The following DACH1 variants were observed in gnomAD, a reference collection of about 807,000 sequenced individuals.
DACH1 encodes dachshund family transcription factor 1.
Under a neutral mutation model 54.2 loss-of-function variants are expected in DACH1, and 12 were observed. That is an observed-to-expected ratio of 0.22 (90% confidence interval 0.14 to 0.36). The LOEUF (loss-of-function observed/expected upper bound fraction) is 0.36. Among genes scored for constraint, DACH1 ranks in the 10% least tolerant of loss-of-function variants. DACH1 has a pLI of 1.00. For synonymous variants in DACH1, 386 were observed against 366.2 expected (o/e 1.05, Z -0.62); for missense variants, 805 against 929.8 (o/e 0.87, Z 1.75).
intron 1 of DACH1, among the ~76,000 whole-genome samples, chr13:71,791,538 G>A (rs895243621): frequency 6.6e-6 from 1 of 152,052 alleles, no homozygotes; most frequent in Admixed American, 6.6e-5. Flanking sequence ...ATACCACCAT[G>A]CCCAGCTAAT....
intron 1 of DACH1, among the ~76,000 whole-genome samples, chr13:71,785,614 T>A (rs1024404796): frequency 6.6e-6 from 1 of 152,192 alleles, no homozygotes; most frequent in Non-Finnish European, 1.5e-5. Context: ...ATCACTGCTT[T>A]TCAATATAGC....
At chr13:71,673,211 T>C (rs1880308999) in intron 2 of DACH1, among the ~76,000 whole-genome samples, 1 of 151,940 alleles carries the variant, frequency 6.6e-6, no homozygotes, top group African/African-American at 2.4e-5. Flanking sequence ...TGTGGTTATT[T>C]AATTAAGTCT....
chr13:71,796,318 T>C (rs917280588), intron 1 of DACH1, among the ~76,000 whole-genome samples: 1 of 152,168 alleles, frequency 6.6e-6, no homozygotes, highest in Admixed American at 6.6e-5. Context: ...AAATAGTTAA[T>C]GGAATTATTC....
At chr13:71,618,250 T>TA (rs1427451837) in intron 3 of DACH1, among the ~76,000 whole-genome samples, 1 of 152,100 alleles carries the variant, frequency 6.6e-6, no homozygotes, top group African/African-American at 2.4e-5. Context: ...TTTATGTCTT[T>TA]AAAAAGATAA....
chr13:71,765,950 G>C lies in DACH1; in HGVS notation c.849-84040C>G, dbSNP rs561781614. Among the ~76,000 whole-genome samples the C allele has an allele frequency of 1.3e-4, 19 of 145,936 alleles. No individual in the cohort carries two copies. In the South Asian group the frequency reaches 3.7e-3, roughly 28 times the overall value. On this transcript the variant is annotated intron_variant, in intron 1 of 10. Transcript: ENST00000613252. ...CGCCCAGGCTGGAGTGCAGTGGCGC[G>C]ATCTCTGCTCACTGCAAGCTCCGCC...
intron 3 of DACH1, among the ~76,000 whole-genome samples, chr13:71,627,456 G>A (rs1299980136): frequency 1.3e-5 from 2 of 151,918 alleles, no homozygotes; most frequent in African/African-American, 4.8e-5. Flanking sequence ...AGACTGAGTA[G>A]CAACAATACA....
intron 1 of DACH1, among the ~76,000 whole-genome samples, chr13:71,844,283 C>T (rs1016902445): frequency 2.0e-5 from 3 of 152,064 alleles, no homozygotes; most frequent in Admixed American, 6.5e-5. Context: ...GACATAAGGT[C>T]GTGCATAAAT....
intron 8 of DACH1, among the ~76,000 whole-genome samples, chr13:71,476,992 T>G (rs1264216312): frequency 1.3e-5 from 2 of 150,024 alleles, no homozygotes; most frequent in Non-Finnish European, 3.0e-5. Flanking sequence ...AGCAACATTT[T>G]TAAAGCAGAA....
intron 1 of DACH1, among the ~76,000 whole-genome samples, chr13:71,844,591 T>C (rs1037856485): frequency 1.3e-5 from 2 of 152,198 alleles, no homozygotes; most frequent in Non-Finnish European, 2.9e-5. Context: ...CTTTTGTGAT[T>C]CAAGACTTTG....
At chr13:71,839,825 A>T (rs967228197) in intron 1 of DACH1, among the ~76,000 whole-genome samples, 5 of 151,612 alleles carry the variant, frequency 3.3e-5, no homozygotes, top group Non-Finnish European at 5.9e-5. Context: ...TTCAGCAAAA[A>T]CTAGAGAGTT....
At chr13:71,459,518 G>T (rs1875884567) in intron 10 of DACH1, among the ~76,000 whole-genome samples, 1 of 151,776 alleles carries the variant, frequency 6.6e-6, no homozygotes, top group African/African-American at 2.4e-5. Flanking sequence ...TTTTTTATGG[G>T]ATGTCTTTAT....
chr13:71,524,295 C>T (rs1881805759), intron 6 of DACH1, among the ~76,000 whole-genome samples: 1 of 152,132 alleles, frequency 6.6e-6, no homozygotes, highest in Non-Finnish European at 1.5e-5. Flanking sequence ...GCTACATTAT[C>T]ATGTCAACAA....
intron 1 of DACH1, among the ~76,000 whole-genome samples, chr13:71,769,125 A>G (rs367646864): frequency 1.3e-4 from 19 of 151,984 alleles, no homozygotes; most frequent in African/African-American, 4.3e-4. Context: ...CAGTTAAGAT[A>G]GAATAGCAAC....
intron 6 of DACH1, among the ~76,000 whole-genome samples, chr13:71,534,494 G>A (rs1882627484): frequency 6.6e-6 from 1 of 151,766 alleles, no homozygotes; most frequent in Admixed American, 6.6e-5. Flanking sequence ...TCATATTGAA[G>A]TTCTACTTCT....
chr13:71,559,183 T>G (rs1372264744), intron 5 of DACH1, among the ~76,000 whole-genome samples: 1 of 152,132 alleles, frequency 6.6e-6, no homozygotes, highest in African/African-American at 2.4e-5. Flanking sequence ...CTACCAAGAT[T>G]AAATATTGTG....
At chr13:71,458,273 A>G (rs1875760674) in intron 10 of DACH1, among the ~76,000 whole-genome samples, 1 of 151,910 alleles carries the variant, frequency 6.6e-6, no homozygotes, top group Non-Finnish European at 1.5e-5. Context: ...CTGAGAAACA[A>G]TCATATTTAT....
chr13:71,724,265 T>C (rs958909063), intron 1 of DACH1, among the ~76,000 whole-genome samples: 6 of 152,214 alleles, frequency 3.9e-5, no homozygotes, highest in Non-Finnish European at 7.3e-5. Context: ...TGAGAAGTAA[T>C]TTTACATTTG....
chr13:71,810,594 T>C (rs1433467775), intron 1 of DACH1, among the ~76,000 whole-genome samples: 1 of 152,048 alleles, frequency 6.6e-6, no homozygotes, highest in African/African-American at 2.4e-5. Flanking sequence ...GAAAAGAAAA[T>C]ACTATGAATA....
intron 2 of DACH1, chr13:71,675,567 T>C: frequency 1.4e-6 from 1 of 738,952 alleles, no homozygotes; most frequent in Non-Finnish European, 2.2e-6. Context: ...CGTTAGATAT[T>C]TTTTTTCCAT....
Sources: allele counts gnomAD v4.1 joint callset (sites outside exome capture counted in the v4.1 genomes callset), GRCh38; gene constraint gnomAD v4.1.1; transcripts MANE v1.5; gene names NCBI Gene and HGNC (gene_info 2026-07-23, HGNC 2026-07-21).